Variants in SCMH1 observed in about 807,000 individuals in gnomAD.
SCMH1 encodes the protein Scm polycomb group protein homolog 1.
A neutral mutation model predicts 70.8 loss-of-function variants in SCMH1; 37 were observed. That is an observed-to-expected ratio of 0.52 (90% CI 0.40 to 0.69). The LOEUF is 0.69. SCMH1 is among the 30% of genes least tolerant of loss of function. The pLI is 0.00. For synonymous variants in SCMH1, 292 were observed against 307.4 expected (o/e 0.95, Z 0.52); for missense variants, 607 against 827.3 (o/e 0.73, Z 3.27).
intron 8 of SCMH1, among the ~76,000 whole-genome samples, chr1:41,076,546 A>G (rs1244023765): frequency 6.6e-6 from 1 of 152,172 alleles, no homozygotes; most frequent in Non-Finnish European, 1.5e-5. Flanking sequence ...AAATAACACA[A>G]TATACGGTAT....
chr1:41,115,476 C>T (rs1670236625), intron 7 of SCMH1, among the ~76,000 whole-genome samples: 1 of 152,192 alleles, frequency 6.6e-6, no homozygotes, highest in South Asian at 2.1e-4. Context: ...CTTGCTCTGT[C>T]ACCCAGGCTG....
At chr1:41,235,569 TAAAA>T (rs61093555) in intron 1 of SCMH1, among the ~76,000 whole-genome samples, 3 of 43,120 alleles carry the variant, frequency 7.0e-5, no homozygotes, top group East Asian at 1.0e-3. Flanking sequence ...AGACTCCGTC[TAAAA>T]AAAAAAAAAA....
intron 1 of SCMH1, among the ~76,000 whole-genome samples, chr1:41,216,683 C>A (rs1488756362): frequency 6.6e-6 from 1 of 152,190 alleles, no homozygotes; most frequent in Non-Finnish European, 1.5e-5. Context: ...CAACTAGACA[C>A]AAATATGCTC....
intron 10 of SCMH1, among the ~76,000 whole-genome samples, chr1:41,058,362 ATACATT>A (rs1443410748): frequency 1.1e-5 from 1 of 87,440 alleles, no homozygotes; most frequent in East Asian, 4.2e-4. Flanking sequence ...TTTAGTATTT[ATACATT>A]TTCTTTCTTG....
At chr1:41,124,891 G>A (rs1271788896) in intron 6 of SCMH1, among the ~76,000 whole-genome samples, 1 of 152,082 alleles carries the variant, frequency 6.6e-6, no homozygotes, top group Non-Finnish European at 1.5e-5. Flanking sequence ...TAAACTGCTA[G>A]GCCTGGCCTG....
At chr1:41,235,698 T>C (rs1028148205) in intron 1 of SCMH1, among the ~76,000 whole-genome samples, 1 of 152,126 alleles carries the variant, frequency 6.6e-6, no homozygotes, top group Non-Finnish European at 1.5e-5. Context: ...AAGCTCTGTG[T>C]GTGCCCTTCT....
chr1:41,097,253 C>G (rs2149069775), intron 8 of SCMH1, among the ~76,000 whole-genome samples: 1 of 152,250 alleles, frequency 6.6e-6, no homozygotes, highest in South Asian at 2.1e-4. Flanking sequence ...TCTGGTTGTT[C>G]ATGTTTAGAT....
chr1:41,045,387 C>T (rs772217666), intron 12 of SCMH1, among the ~76,000 whole-genome samples: 45 of 151,918 alleles, frequency 3.0e-4, no homozygotes, highest in Admixed American at 7.2e-4. Context: ...ATAAGCAATA[C>T]GGATTTGGGT....
chr1:41,153,793 A>C (rs1216035712), intron 4 of SCMH1, among the ~76,000 whole-genome samples: 1 of 152,184 alleles, frequency 6.6e-6, no homozygotes, highest in Non-Finnish European at 1.5e-5. Flanking sequence ...GATAATTTTT[A>C]TGACTTAGTA....
rs189901725 is a variant in SCMH1 at position 41,079,477 on chromosome 1, C to T, written c.746-4026G>A. On this transcript the variant is annotated intron_variant, in intron 8 of 14. Coordinates refer to ENST00000337495, the Ensembl canonical transcript of SCMH1. ...AATAATGTACTCTATAAACACTAAC[C>T]AAAAGAAAACTAATAACATGAATAA... Among the ~76,000 whole-genome samples the T allele has an allele frequency of 7.5e-4, 114 of 152,048 alleles. 3 individuals are homozygous for T. The South Asian group carries it at 0.011, about 15-fold the overall frequency.
chr1:41,132,619 C>T (rs569878365), intron 6 of SCMH1, among the ~76,000 whole-genome samples: 1 of 152,194 alleles, frequency 6.6e-6, no homozygotes, highest in African/African-American at 2.4e-5. Flanking sequence ...AAGTCTTTGC[C>T]CATGCCTATG....
chr1:41,179,093 G>A (rs1248304818), intron 2 of SCMH1, among the ~76,000 whole-genome samples: 5 of 151,790 alleles, frequency 3.3e-5, no homozygotes, highest in African/African-American at 4.8e-5. Flanking sequence ...ACTCAAAACC[G>A]CTCAACTACA....
chr1:41,115,218 T>A (rs1037097662), intron 7 of SCMH1, among the ~76,000 whole-genome samples: 1 of 152,216 alleles, frequency 6.6e-6, no homozygotes, highest in African/African-American at 2.4e-5. Flanking sequence ...CTGATTGACA[T>A]ACCAATTCTT....
At chr1:41,071,592 A>C (rs1656518668) in intron 9 of SCMH1, among the ~76,000 whole-genome samples, 1 of 152,102 alleles carries the variant, frequency 6.6e-6, no homozygotes, top group African/African-American at 2.4e-5. Flanking sequence ...GAAATCTATT[A>C]TTTCCCCTAC....
chr1:41,143,603 T>A (rs1461201058), intron 5 of SCMH1, among the ~76,000 whole-genome samples: 1 of 152,198 alleles, frequency 6.6e-6, no homozygotes, highest in African/African-American at 2.4e-5. Context: ...CAATAAACTA[T>A]ACACTTTAGT....
chr1:41,185,633 C>A (rs1482560142), intron 2 of SCMH1, among the ~76,000 whole-genome samples: 1 of 149,398 alleles, frequency 6.7e-6, no homozygotes, highest in Non-Finnish European at 1.5e-5. Context: ...CAAATTGTTA[C>A]AGATTTTTTT....
chr1:41,197,659 T>C (rs2148703751), intron 1 of SCMH1, among the ~76,000 whole-genome samples: 1 of 152,084 alleles, frequency 6.6e-6, no homozygotes, highest in Non-Finnish European at 1.5e-5. Context: ...TGTCTTAAGA[T>C]GGTAAACTTT....
chr1:41,175,852 T>TA (rs1209097168), intron 2 of SCMH1, among the ~76,000 whole-genome samples: 1 of 152,200 alleles, frequency 6.6e-6, no homozygotes, highest in Non-Finnish European at 1.5e-5. Context: ...CAGTAAAGAT[T>TA]AAAAACTAGA....
intron 8 of SCMH1, among the ~76,000 whole-genome samples, chr1:41,086,280 A>C (rs1162292245): frequency 6.6e-6 from 1 of 152,218 alleles, no homozygotes; most frequent in Non-Finnish European, 1.5e-5. Context: ...AGAATACGTA[A>C]CTGACATACA....
Sources: gnomAD v4.1 joint callset for allele counts (sites outside exome capture counted in the v4.1 genomes callset) on GRCh38, gnomAD v4.1.1 for gene constraint, MANE v1.5 for transcripts, NCBI Gene and HGNC (gene_info 2026-07-23, HGNC 2026-07-21) for gene names.